The following CCDC66 variants were observed in gnomAD, a reference collection of about 807,000 sequenced individuals.
The protein encoded by CCDC66 is coiled-coil domain-containing protein 66.
In CCDC66, 133 loss-of-function variants were observed where a neutral mutation model predicts 128.3. The observed-to-expected ratio is 1.04, with a 90% CI of 0.90 to 1.20. The LOEUF is 1.20. Ranked by LOEUF, CCDC66 falls within the 50% of genes most tolerant of loss-of-function variation. The probability of loss-of-function intolerance (pLI) is 0.00; values close to 1 mark genes in which losing one functional copy is unlikely to be tolerated. For missense variants in CCDC66, 1,126 were observed against 1,075.5 expected, an observed-to-expected ratio of 1.05 and a Z score of -0.66; for synonymous variants, 387 against 357.0, an observed-to-expected ratio of 1.08 and a Z score of -0.95.
intron 7 of CCDC66, among the ~76,000 whole-genome samples, chr3:56,589,454 A>G (rs909871826): frequency 6.6e-6 from 1 of 152,212 alleles, no homozygotes; most frequent in African/African-American, 2.4e-5. Context: ...CCAACAGGAA[A>G]TATAAGAAAG....
rs745906410 is a variant in CCDC66, at chr3:56,613,749, A to C, written c.1565A>C (p.Glu522Ala). Residue 522 changes from glutamate (E) to alanine (A), a missense_variant and splice_region_variant, in exon 11 of 18, where the codon GAA becomes GCA. Glu to Ala is a moderately radical substitution (Grantham distance 107). Coordinates refer to ENST00000394672, the MANE Select transcript of CCDC66 (RefSeq NM_001141947.3). ...GACATACTTAAGCAAAAACAAAAGG[A>C]AGTAGGTACTTACATTCTAATTGTA... Reference protein sequence around the residue: ...EEDILKQKQKEEIMTLKTNEL... With the variant: ...EEDILKQKQKAEIMTLKTNEL... 4 of 1,603,638 alleles carry C rather than the reference A, an allele frequency of 2.5e-6. No homozygotes were observed. Among genetic ancestry groups the C allele is most frequent in the Non-Finnish European group, 3.4e-6 (4 of 1,175,800 alleles).
rs766423875 is a variant in CCDC66, at chr3:56,621,595, G to A, written c.2824G>A (p.Glu942Lys). Residue 942 changes from glutamate to lysine, a missense_variant, in exon 18 of 18, where the codon GAG becomes AAG. Physicochemically the swap from Glu to Lys is moderately conservative, Grantham distance 56. Coordinates refer to ENST00000394672, the MANE Select transcript of CCDC66 (RefSeq NM_001141947.3). ...CCTGCCTTTAGCTGAAAATCAAGAAGAGAGTTTTGGTTCTTCATTTTAAAT... is the reference window on the plus strand; with the variant it reads ...CCTGCCTTTAGCTGAAAATCAAGAAAAGAGTTTTGGTTCTTCATTTTAAAT... ...SLLPLAENQE[E>K]SFGSSF 1.8e-5 allele frequency: 29 copies of A among 1,598,610 alleles called. 1 individual carries two copies. In the Admixed American group the frequency reaches 4.0e-4, roughly 22 times the overall value.
At chr3:56,608,015 T>C (rs1015975605) in intron 10 of CCDC66, among the ~76,000 whole-genome samples, 2 of 152,192 alleles carry the variant, frequency 1.3e-5, no homozygotes, top group Non-Finnish European at 2.9e-5. Context: ...CTTTTTGATA[T>C]GTTGTTAGAT....
intron 4 of CCDC66, among the ~76,000 whole-genome samples, chr3:56,564,646 T>C (rs2065548293): frequency 6.6e-6 from 1 of 152,260 alleles, no homozygotes. Context: ...AGTAGAGTGT[T>C]ACATGCTTTG....
At chr3:56,560,727 A>G (rs1316182726) in intron 3 of CCDC66, 1 of 368,648 alleles carries the variant, frequency 2.7e-6, no homozygotes, top group Admixed American at 3.7e-5. Context: ...CTCAAAAAAC[A>G]AAAGCAAAAA....
At chr3:56,562,844 A>C (rs1056868510) in intron 3 of CCDC66, among the ~76,000 whole-genome samples, 1 of 149,594 alleles carries the variant, frequency 6.7e-6, no homozygotes, top group African/African-American at 2.5e-5. Flanking sequence ...ATGGTGTTTT[A>C]CCTTGTTGGC....
At chr3:56,573,448 T>C (rs1036943610) in intron 7 of CCDC66, among the ~76,000 whole-genome samples, 1 of 152,182 alleles carries the variant, frequency 6.6e-6, no homozygotes, top group Non-Finnish European at 1.5e-5. Context: ...GAATTTATGC[T>C]GAGTGAAGTG....
chr3:56,564,170 T>C (rs747483025), intron 4 of CCDC66, 45 bp downstream of exon 4: 3 of 1,451,900 alleles, frequency 2.1e-6, no homozygotes, highest in Non-Finnish European at 2.8e-6. Context: ...TTTTTCAATA[T>C]GTGTTTTAGA....
At chr3:56,564,303 G>C (rs1272633185) in intron 4 of CCDC66, 178 bp downstream of exon 4, 2 of 545,642 alleles carry the variant, frequency 3.7e-6, no homozygotes, top group South Asian at 6.3e-5. Flanking sequence ...TTTTATAGTT[G>C]TGCCATATTT....
intron 3 of CCDC66, chr3:56,561,125 T>C (rs17825529): frequency 0.087 from 38,336 of 438,696 alleles, 2,025 homozygotes; most frequent in Middle Eastern, 0.12. Flanking sequence ...GATTGTATGT[T>C]ATTCCTACCC....
At chr3:56,567,775 C>T (rs1577297360) in intron 6 of CCDC66, among the ~76,000 whole-genome samples, 1 of 151,646 alleles carries the variant, frequency 6.6e-6, no homozygotes, top group East Asian at 2.0e-4. Flanking sequence ...TCACTGCAAG[C>T]TCCACCTCCC....
rs1211874745 is a variant in CCDC66, at chr3:56,563,946, G to C, written c.365G>C (p.Arg122Thr). ...GCAACCCCTAATATGCAGAAGACTA[G>C]AAACACCGTAAATACATCTCTAGTA... is the stretch of plus-strand genomic sequence containing the variant. Reference protein sequence around the residue: ...SPATPNMQKTRNTVNTSLVGK... With the variant: ...SPATPNMQKTTNTVNTSLVGK... The change falls in exon 4 of 18, where the codon AGA becomes ACA. Residue 122 changes from arginine to threonine, a missense_variant. Arg to Thr is a moderately conservative substitution (Grantham distance 71). Transcript: ENST00000394672. 6.2e-7 allele frequency: 1 copy of C among 1,613,888 alleles called. No homozygotes were observed. The highest frequency in any genetic ancestry group is 1.1e-5 in the South Asian group (1 of 91,066).
chr3:56,557,344 CTT>C (rs1446142812), intron 1 of CCDC66, 91 bp downstream of exon 1: 4 of 1,488,720 alleles, frequency 2.7e-6, no homozygotes, highest in East Asian at 2.5e-5. Context: ...CCCTTGGAGT[CTT>C]TACTGGAGAA....
chr3:56,613,203 G>C (rs573796851), intron 10 of CCDC66, among the ~76,000 whole-genome samples: 26 of 152,248 alleles, frequency 1.7e-4, no homozygotes, highest in Non-Finnish European at 3.1e-4. Context: ...GCTTTCATGT[G>C]GTCTCCAGGT....
chr3:56,600,946 A>G (rs533811073), intron 10 of CCDC66, among the ~76,000 whole-genome samples: 1 of 151,944 alleles, frequency 6.6e-6, no homozygotes, highest in African/African-American at 2.4e-5. Context: ...CACTCTGATG[A>G]TAGTTTCTTT....
rs1443763486 is a variant in CCDC66, at chr3:56,615,287, A to G, written c.1711+15A>G. 6.3e-7 allele frequency: 1 copy of G among 1,583,656 alleles called. No homozygotes were observed. Among genetic ancestry groups the G allele is most frequent in the South Asian group, 1.2e-5 (1 of 85,238 alleles). ...AAATCTTGGTGGTAAGGGCCTAACC[A>G]GAACTTTATTTATAATATTTTTAGA... On this transcript the variant is annotated intron_variant, in intron 12 of 17. Transcript: ENST00000394672.
At chr3:56,559,493 T>A in intron 2 of CCDC66, 76 bp from the exon 3 acceptor site, 1 of 922,074 alleles carries the variant, frequency 1.1e-6, no homozygotes, top group Non-Finnish European at 1.6e-6. Flanking sequence ...ATAACAATAT[T>A]AATTACAGTT....
intron 7 of CCDC66, among the ~76,000 whole-genome samples, chr3:56,578,797 C>T (rs1408575588): frequency 1.3e-5 from 2 of 151,850 alleles, no homozygotes; most frequent in Non-Finnish European, 2.9e-5. Flanking sequence ...TGATGTGCTG[C>T]TGGATTCGGT....
chr3:56,604,071 G>A (rs1309117137), intron 10 of CCDC66, among the ~76,000 whole-genome samples: 2 of 151,860 alleles, frequency 1.3e-5, no homozygotes, highest in Admixed American at 6.6e-5. Flanking sequence ...GATCTTTGTT[G>A]GTTTAAAGTC....
Sources: gnomAD v4.1 joint callset for allele counts (sites outside exome capture counted in the v4.1 genomes callset) on GRCh38, gnomAD v4.1.1 for gene constraint, MANE v1.5 for transcripts, NCBI Gene and HGNC (gene_info 2026-07-23, HGNC 2026-07-21) for gene names.